GAS7: variants seen among roughly 807,000 people sequenced by gnomAD.
GAS7 encodes the protein growth arrest-specific protein 7.
GAS7 carries 28 observed loss-of-function variants against 71.1 expected under a neutral mutation model. That is an observed-to-expected ratio of 0.39 (90% CI 0.29 to 0.54). The LOEUF (loss-of-function observed/expected upper bound fraction) is 0.54, where lower values mean the gene tolerates loss of function less well. Among genes scored for constraint, GAS7 ranks in the 20% least tolerant of loss-of-function variants. The probability of loss-of-function intolerance (pLI) is 0.62; values close to 1 mark genes in which losing one functional copy is unlikely to be tolerated. For missense variants in GAS7, 436 were observed against 627.8 expected (o/e 0.69, Z 3.27); for synonymous variants, 258 against 245.8 (o/e 1.05, Z -0.46).
At chr17:10,017,133 AAAATAAATAAATAAATAAATAAAT>A (rs3076181) in intron 2 of GAS7, among the ~76,000 whole-genome samples, 64 of 132,498 alleles carry the variant, frequency 4.8e-4, no homozygotes, top group African/African-American at 1.9e-3. Context: ...CCTGTCTAAA[AAAATAAATAAATAAATAAATAAAT>A]AAATAAATAA....
In GAS7 at chr17:9,915,230, T is replaced by C. The variant is rs1057431660; in HGVS notation, c.*1998A>G. On this transcript the variant is annotated 3_prime_UTR_variant, in exon 14 of 14. Transcript: ENST00000432992. ...AGGACTCTGGAATCCTCAGATGTAA[T>C]GGAAAAGTCAATGAGCCATATTGTA... 3.0e-5 allele frequency: 7 copies of C among 231,026 alleles called. No homozygotes were observed. The highest frequency in any genetic ancestry group is 4.4e-5 in the African/African-American group (2 of 45,208). 14.3% of individuals were successfully genotyped at this position (231,026 alleles called of 1,614,324 possible).
At chr17:10,033,859 T>C (rs2072682622) in intron 1 of GAS7, among the ~76,000 whole-genome samples, 1 of 152,204 alleles carries the variant, frequency 6.6e-6, no homozygotes, top group African/African-American at 2.4e-5. Context: ...CTGCAGTGCC[T>C]ACGGCCTGTG....
intron 1 of GAS7, among the ~76,000 whole-genome samples, chr17:10,091,608 G>C (rs565630616): frequency 2.0e-5 from 3 of 152,106 alleles, no homozygotes; most frequent in South Asian, 4.2e-4. Flanking sequence ...GGATAGTCTC[G>C]ATCTCTTGAC....
intron 1 of GAS7, among the ~76,000 whole-genome samples, chr17:10,075,039 A>G (rs2073376544): frequency 6.6e-6 from 1 of 152,146 alleles, no homozygotes; most frequent in Admixed American, 6.5e-5. Context: ...ACACACCAGG[A>G]CTAAAGTCTG....
Position 9,916,566 on chromosome 17 carries a change from A to G in GAS7, c.*662T>C. The G allele has an allele frequency of 4.1e-6, 1 of 246,538 alleles. No homozygotes were observed. Among genetic ancestry groups the G allele is most frequent in the Non-Finnish European group, 7.9e-6 (1 of 127,376 alleles). 15.3% of individuals were successfully genotyped at this position (246,538 alleles called of 1,614,324 possible). A position where few individuals can be genotyped will look rare whatever the true frequency, so the allele number is the denominator to read the frequency against. On this transcript the variant is annotated 3_prime_UTR_variant, in exon 14 of 14. Transcript: ENST00000432992. ...TCTCATGGGACACGATTCAGCGCTC[A>G]ATTTGGGGCTAATTTGCCGAATGAG...
At chr17:10,050,843 G>T (rs2073052988) in intron 1 of GAS7, among the ~76,000 whole-genome samples, 1 of 152,122 alleles carries the variant, frequency 6.6e-6, no homozygotes, top group Non-Finnish European at 1.5e-5. Context: ...ATTCAAACAA[G>T]GGGGCCTGGA....
chr17:10,045,010 C>A (rs1164205641), intron 1 of GAS7, among the ~76,000 whole-genome samples: 4 of 143,360 alleles, frequency 2.8e-5, no homozygotes, highest in Non-Finnish European at 6.0e-5. Flanking sequence ...CACTGCACTC[C>A]AGCCCGGGCG....
At chr17:10,194,229 A>C (rs3935628) in intron 1 of GAS7, among the ~76,000 whole-genome samples, 2 of 152,064 alleles carry the variant, frequency 1.3e-5, no homozygotes, top group Non-Finnish European at 2.9e-5. Flanking sequence ...ACCTAGTTCA[A>C]AGAAAGCTCT....
intron 1 of GAS7, 157 bp from the exon 2 acceptor site, chr17:10,020,054 C>A (rs2072203780): frequency 1.5e-6 from 1 of 662,398 alleles, no homozygotes; most frequent in Non-Finnish European, 2.6e-6. Context: ...ACACACGTGA[C>A]CTCCGGGGTT....
intron 1 of GAS7, among the ~76,000 whole-genome samples, chr17:10,050,513 T>C (rs912932406): frequency 2.0e-5 from 3 of 152,036 alleles, no homozygotes; most frequent in Admixed American, 1.3e-4. Context: ...TGGGTGCAGA[T>C]GTCACCCCCA....
chr17:10,170,129 G>T (rs1179202841), intron 1 of GAS7, among the ~76,000 whole-genome samples: 1 of 151,758 alleles, frequency 6.6e-6, no homozygotes, highest in Non-Finnish European at 1.5e-5. Flanking sequence ...CACCTTACTT[G>T]TCTCCCTCCT....
chr17:10,077,634 C>T (rs1389887863), intron 1 of GAS7, among the ~76,000 whole-genome samples: 4 of 152,170 alleles, frequency 2.6e-5, no homozygotes, highest in Non-Finnish European at 4.4e-5. Flanking sequence ...CAGAAAACAA[C>T]GGGTTGACTC....
In GAS7 at chr17:10,034,152, C is replaced by T. The variant is rs1407372556; in HGVS notation, c.184-14255G>A. 1.1e-5 allele frequency: 11 copies of T among 985,180 alleles called. No homozygotes were observed. The highest frequency in any genetic ancestry group is 6.1e-5 in the Admixed American group (1 of 16,278). 61.0% of individuals were successfully genotyped at this position (985,180 alleles called of 1,614,324 possible). A position where few individuals can be genotyped will look rare whatever the true frequency, so the allele number is the denominator to read the frequency against. On this transcript the variant is annotated intron_variant, in intron 1 of 13. Coordinates refer to ENST00000432992, the MANE Select transcript of GAS7 (RefSeq NM_201433.2). This position sits in a 1 kb window ranked among gnomAD's most constrained non-coding sequence, Gnocchi z 4.4. ...CGTGCGAAGAACACAGGATGGGAAT[C>T]GGAGCTGGTAAAGCTGCAGCAGTCT...
Position 10,143,199 on chromosome 17 carries a change from T to A in GAS7, c.183+55009A>T, listed in dbSNP as rs181010155. ...TCCGTCTCAGAAAAGACAAAAAAAA[T>A]CTGTATGTTGAAGTCTTAACCCCTA... On this transcript the variant is annotated intron_variant, in intron 1 of 13. Transcript: ENST00000432992. Among the ~76,000 whole-genome samples, 620 of 151,246 alleles carry A rather than the reference T, an allele frequency of 4.1e-3. 2 individuals are homozygous for A. The highest frequency in any genetic ancestry group is 6.4e-3 in the Admixed American group (97 of 15,148).
chr17:10,184,454 A>C (rs1442171277), intron 1 of GAS7, among the ~76,000 whole-genome samples: 1 of 152,218 alleles, frequency 6.6e-6, no homozygotes, highest in Non-Finnish European at 1.5e-5. Flanking sequence ...ATCCACTTTT[A>C]AAGAGAAAGA....
At chr17:10,129,963 G>A (rs2073983260) in intron 1 of GAS7, among the ~76,000 whole-genome samples, 1 of 152,034 alleles carries the variant, frequency 6.6e-6, no homozygotes, top group African/African-American at 2.4e-5. Context: ...CGCGAGGTCA[G>A]GAGTTCAAGA....
At chr17:10,190,342 T>C (rs1167385684) in intron 1 of GAS7, among the ~76,000 whole-genome samples, 1 of 152,268 alleles carries the variant, frequency 6.6e-6, no homozygotes, top group Middle Eastern at 3.4e-3. Context: ...CCTAGCACTT[T>C]GGGAGGCCAA....
At chr17:10,038,695 AT>A (rs71365709) in intron 1 of GAS7, among the ~76,000 whole-genome samples, 40,142 of 121,132 alleles carry the variant, frequency 0.33, 5,144 homozygotes, top group African/African-American at 0.39. Context: ...GAAGGAAGGA[AT>A]TTTTTTTTTT....
chr17:10,003,960 T>C (rs2071370840), intron 2 of GAS7, among the ~76,000 whole-genome samples: 1 of 152,156 alleles, frequency 6.6e-6, no homozygotes, highest in Non-Finnish European at 1.5e-5. Flanking sequence ...CCTCCAACAA[T>C]AACAATCTCA....
Sources: gnomAD v4.1 joint callset for allele counts (sites outside exome capture counted in the v4.1 genomes callset) on GRCh38, gnomAD v4.1.1 for gene constraint, Gnocchi (gnomAD v3.1) non-coding constraint, MANE v1.5 for transcripts, NCBI Gene and HGNC (gene_info 2026-07-23, HGNC 2026-07-21) for gene names.